The following GSG1L variants were observed in gnomAD, a reference collection of about 807,000 sequenced individuals.
GSG1L encodes GSG1 like.
Under a neutral mutation model 42.1 loss-of-function variants are expected in GSG1L, and 24 were observed. The observed-to-expected ratio is 0.57, with a 90% confidence interval of 0.41 to 0.80. The LOEUF (loss-of-function observed/expected upper bound fraction) is 0.80. GSG1L is among the 30% of genes least tolerant of loss of function. The probability of loss-of-function intolerance (pLI) is 0.00; values close to 1 mark genes in which losing one functional copy is unlikely to be tolerated. For synonymous variants in GSG1L, 215 were observed against 203.5 expected (o/e 1.06, Z -0.48); for missense variants, 445 against 472.2 (o/e 0.94, Z 0.53).
chr16:27,848,572 GGCGGATGTCCT>G (rs1328251190), intron 3 of GSG1L, among the ~76,000 whole-genome samples: 1 of 152,142 alleles, frequency 6.6e-6, no homozygotes, highest in Non-Finnish European at 1.5e-5. Context: ...GGAATAGATG[GGCGGATGTCCT>G]GCTCTTAACG....
At chr16:27,954,289 A>G (rs902478417) in intron 2 of GSG1L, among the ~76,000 whole-genome samples, 3 of 152,234 alleles carry the variant, frequency 2.0e-5, no homozygotes, top group Non-Finnish European at 2.9e-5. Context: ...CAATAGAAAA[A>G]AAAGATGGCA....
intron 1 of GSG1L, among the ~76,000 whole-genome samples, chr16:27,990,114 G>A (rs747970403): frequency 5.9e-5 from 9 of 152,082 alleles, no homozygotes; most frequent in Non-Finnish European, 8.8e-5. Flanking sequence ...AGCAGAACAA[G>A]AATTACTCAC....
At chr16:27,974,545 G>T (rs1838307107) in intron 1 of GSG1L, among the ~76,000 whole-genome samples, 1 of 152,218 alleles carries the variant, frequency 6.6e-6, no homozygotes, top group South Asian at 2.1e-4. Flanking sequence ...AGGAATAAAT[G>T]ACTAGGGCAT....
intron 1 of GSG1L, among the ~76,000 whole-genome samples, chr16:28,000,057 C>T (rs576028731): frequency 3.9e-5 from 6 of 152,330 alleles, no homozygotes; most frequent in East Asian, 3.9e-4. Flanking sequence ...AATGGAGACA[C>T]GGCTCAAGTC....
intron 2 of GSG1L, among the ~76,000 whole-genome samples, chr16:27,918,199 G>C (rs1217642606): frequency 6.6e-6 from 1 of 152,180 alleles, no homozygotes; most frequent in Non-Finnish European, 1.5e-5. Flanking sequence ...GTGATGCTTT[G>C]ACTGCCGTAG....
At chr16:27,970,701 C>T (rs1164918867) in intron 1 of GSG1L, among the ~76,000 whole-genome samples, 1 of 151,972 alleles carries the variant, frequency 6.6e-6, no homozygotes, top group Non-Finnish European at 1.5e-5. Flanking sequence ...TACACCTAGA[C>T]TAGTGTTATA....
chr16:27,860,943 T>C (rs1403119818), intron 3 of GSG1L, among the ~76,000 whole-genome samples: 1 of 152,172 alleles, frequency 6.6e-6, no homozygotes. Flanking sequence ...CATTTGAATC[T>C]TTCTGCCCCT....
intron 1 of GSG1L, among the ~76,000 whole-genome samples, chr16:28,048,635 G>C (rs205400): frequency 0.43 from 64,732 of 152,028 alleles, 15,064 homozygotes; most frequent in East Asian, 0.68. Context: ...AATTTCTGAA[G>C]TTTTAGAAAC....
chr16:27,820,207 A>G (rs1052167518), intron 5 of GSG1L, among the ~76,000 whole-genome samples: 2 of 152,212 alleles, frequency 1.3e-5, no homozygotes, highest in African/African-American at 2.4e-5. Context: ...AAGCAACTGC[A>G]TATGGCATCG....
At chr16:27,850,563 C>T (rs1200146609) in intron 3 of GSG1L, 1 of 455,834 alleles carries the variant, frequency 2.2e-6, no homozygotes, top group African/African-American at 2.0e-5. Flanking sequence ...GAGGGACCAG[C>T]AAAGAAAGCT....
At chr16:28,035,477 A>G (rs745804739) in intron 1 of GSG1L, among the ~76,000 whole-genome samples, 1 of 152,162 alleles carries the variant, frequency 6.6e-6, no homozygotes, top group Non-Finnish European at 1.5e-5. Context: ...TCTCCCTCAC[A>G]TAGACCCAAC....
intron 2 of GSG1L, among the ~76,000 whole-genome samples, chr16:27,924,366 GAA>G (rs1203431794): frequency 6.6e-6 from 1 of 152,088 alleles, no homozygotes; most frequent in African/African-American, 2.4e-5. Flanking sequence ...AAGAGAGAGA[GAA>G]ATGAACAAAT....
rs1192439222 is a variant in GSG1L at position 28,040,196 on chromosome 16, T to C, written c.349+22880A>G. Among the ~76,000 whole-genome samples, 1 of 152,172 alleles carries C rather than the reference T, an allele frequency of 6.6e-6. No individual in the cohort carries two copies. Among genetic ancestry groups the C allele is most frequent in the African/African-American group, 2.4e-5 (1 of 41,448 alleles). ...TCGCCTCCTAACTGGACTCCAGCCA[T>C]TCACGCCTCCCTTCAGGTCCCTCTC... On this transcript the variant is annotated intron_variant, in intron 1 of 6. Coordinates refer to ENST00000447459, the MANE Select transcript of GSG1L (RefSeq NM_001109763.2). This position sits in a 1 kb window ranked among gnomAD's most constrained non-coding sequence, Gnocchi z 4.1.
At chr16:28,044,126 A>G (rs551821761) in intron 1 of GSG1L, among the ~76,000 whole-genome samples, 1 of 152,058 alleles carries the variant, frequency 6.6e-6, no homozygotes, top group East Asian at 1.9e-4. Flanking sequence ...TTAAAAACCC[A>G]ACATTTTTGG....
chr16:27,957,080 G>C (rs968495422), intron 2 of GSG1L, among the ~76,000 whole-genome samples: 1 of 152,200 alleles, frequency 6.6e-6, no homozygotes, highest in Admixed American at 6.5e-5. Context: ...TGGGTGCGGT[G>C]GCTCATGCCT....
Position 27,816,357 on chromosome 16 carries a change from C to T in GSG1L, c.831-8803G>A, listed in dbSNP as rs561614563. Among the ~76,000 whole-genome samples the T allele has an allele frequency of 2.0e-5, 3 of 152,330 alleles. No homozygotes were observed. The South Asian group carries it at 6.2e-4, about 32-fold the overall frequency. On this transcript the variant is annotated intron_variant, in intron 5 of 6. Transcript: ENST00000447459. ...AAACCCACAGGAGGTCACGGCACTG[C>T]CCTTTGCCCCAGAAGAGACAGAGTC...
intron 5 of GSG1L, among the ~76,000 whole-genome samples, chr16:27,821,753 A>G (rs967795510): frequency 6.6e-6 from 1 of 151,766 alleles, no homozygotes; most frequent in Admixed American, 6.6e-5. Context: ...ATACAAAAAA[A>G]ATTAGCTGTG....
At chr16:27,947,581 GAAAGAAAGAAAGAAAGAA>G (rs879546677) in intron 2 of GSG1L, among the ~76,000 whole-genome samples, 3,284 of 103,966 alleles carry the variant, frequency 0.032, 65 homozygotes, top group South Asian at 0.056. Context: ...AAGAAAGAAA[GAAAGAAAGAAAGAAAGAA>G]AAAGAAAGAA....
intron 5 of GSG1L, among the ~76,000 whole-genome samples, chr16:27,826,581 G>A (rs1283001099): frequency 6.6e-6 from 1 of 152,172 alleles, no homozygotes; most frequent in Non-Finnish European, 1.5e-5. Flanking sequence ...CGACAGGGAA[G>A]GGACGGAGCC....
Sources: gnomAD v4.1 joint callset for allele counts (sites outside exome capture counted in the v4.1 genomes callset) on GRCh38, gnomAD v4.1.1 for gene constraint, Gnocchi (gnomAD v3.1) non-coding constraint, MANE v1.5 for transcripts, NCBI Gene and HGNC (gene_info 2026-07-23, HGNC 2026-07-21) for gene names.